The following ENO1 variants were observed in gnomAD, a reference collection of about 807,000 sequenced individuals.
ENO1 encodes the protein alpha-enolase.
A neutral mutation model predicts 46.3 loss-of-function variants in ENO1; 33 were observed. The ratio of observed to expected loss-of-function variants is 0.71; its 90% CI spans 0.54 to 0.95. The LOEUF (loss-of-function observed/expected upper bound fraction) is 0.95. Among genes scored for constraint, ENO1 ranks in the 40% least tolerant of loss-of-function variants. The pLI, the probability that ENO1 is intolerant of heterozygous loss-of-function variation, is 0.00. For synonymous variants in ENO1, 220 were observed against 216.0 expected, an observed-to-expected ratio of 1.02 and a Z score of -0.16; for missense variants, 488 against 553.3, an observed-to-expected ratio of 0.88 and a Z score of 1.18.
intron 4 of ENO1, among the ~76,000 whole-genome samples, chr1:8,868,955 T>G (rs1173418054): frequency 6.6e-6 from 1 of 152,172 alleles, no homozygotes; most frequent in Non-Finnish European, 1.5e-5. Flanking sequence ...CCTAAAGTGT[T>G]GGAATTACAG....
intron 8 of ENO1, among the ~76,000 whole-genome samples, chr1:8,864,724 TG>T (rs1642474864): frequency 1.3e-5 from 2 of 152,170 alleles, no homozygotes; most frequent in African/African-American, 4.8e-5. Flanking sequence ...GACCTGAGTT[TG>T]GGTCTTGGCT....
chr1:8,868,657 C>A (rs113997384), intron 4 of ENO1, among the ~76,000 whole-genome samples: 1 of 152,256 alleles, frequency 6.6e-6, no homozygotes, highest in African/African-American at 2.4e-5. Context: ...TCAAAGTAAT[C>A]CAATAAAAAT....
chr1:8,867,366 T>C, intron 5 of ENO1, 116 bp from the exon 6 acceptor site: 3 of 1,385,910 alleles, frequency 2.2e-6, no homozygotes, highest in Non-Finnish European at 3.0e-6. Context: ...CACACCTCCA[T>C]TTCACTGTTA....
At chr1:8,863,434 C>T (rs1642446351) in intron 9 of ENO1, 91 bp from the exon 10 acceptor site, 2 of 1,293,418 alleles carry the variant, frequency 1.5e-6, no homozygotes, top group Non-Finnish European at 2.1e-6. Flanking sequence ...AGCAGGAAAG[C>T]AGTGGAGGGG....
rs1186742715 is a variant in ENO1 at position 8,878,664 on chromosome 1, T to C, written c.-94A>G. ...GAACGTAAAGCCGGCGAGATCTCCG[T>C]GCTCCGGGTACCCACAGATACTGTC... On this transcript the variant is annotated 5_prime_UTR_variant, in exon 1 of 12. Coordinates refer to ENST00000234590, the MANE Select transcript of ENO1 (RefSeq NM_001428.5). 21 of 456,062 alleles carry C rather than the reference T, an allele frequency of 4.6e-5. No homozygotes were observed. Among genetic ancestry groups the C allele is most frequent in the Admixed American group, 1.4e-4 (6 of 42,570 alleles). The allele number at this position is 456,062 out of a possible 1,614,324, so 28.3% of individuals were successfully genotyped here. A position where few individuals can be genotyped will look rare whatever the true frequency, so the allele number is the denominator to read the frequency against.
intron 1 of ENO1, among the ~76,000 whole-genome samples, chr1:8,875,318 AAAG>A (rs1335794388): frequency 6.6e-6 from 1 of 152,124 alleles, no homozygotes; most frequent in African/African-American, 2.4e-5. Flanking sequence ...AAAAAAAAAA[AAAG>A]AGAGAGAAAA....
At chr1:8,866,093 A>AAT in intron 7 of ENO1, 186 bp downstream of exon 7, 1 of 543,188 alleles carries the variant, frequency 1.8e-6, no homozygotes, top group East Asian at 3.1e-5. Context: ...AAAAAAAAAA[A>AAT]GAAAAAAATA....
In ENO1 at chr1:8,863,223, G is replaced by T; in HGVS notation, c.1176+12C>A. 1 of 1,613,000 alleles carries T rather than the reference G, an allele frequency of 6.2e-7. No individual in the cohort carries two copies. Among genetic ancestry groups the T allele is most frequent in the Non-Finnish European group, 8.5e-7 (1 of 1,179,176 alleles). On this transcript the variant is annotated intron_variant, in intron 10 of 11. Coordinates refer to ENST00000234590, the MANE Select transcript of ENO1 (RefSeq NM_001428.5). ...GAGGTCAGAGAAGAAAGGAGGAGAC[G>T]CTCATTCTTACCTGCCCAGTGCACA...
At position 8,868,000 on chromosome 1, in the gene ENO1, TTCCA is replaced by T. The variant is rs1470011743; in HGVS notation, c.294_297del (p.Asp98GlufsTer71). ...TCAGGCCACTCACATTTATTTTCTG[TTCCA>T]TCCATCTCGATCATCAGTTTGTCAA... On this transcript the variant is annotated frameshift_variant, in exon 5 of 12. Transcript: ENST00000234590. LOFTEE classifies it high-confidence loss of function. The T allele has an allele frequency of 6.2e-7, 1 of 1,614,100 alleles. No individual in the cohort carries two copies. The highest frequency in any genetic ancestry group is 8.5e-7 in the Non-Finnish European group (1 of 1,179,982).
Position 8,861,342 on chromosome 1 carries a change from G to A in ENO1, c.*18C>T, listed in dbSNP as rs966421835. ...CTGTGTAGCCAACAGGTGACCGAAG[G>A]GCTTGCCTGCCCACAGCTTACTTGG... On this transcript the variant is annotated 3_prime_UTR_variant, in exon 12 of 12. Transcript: ENST00000234590. 1 of 1,613,274 alleles carries A rather than the reference G, an allele frequency of 6.2e-7. No homozygotes were observed. The highest frequency in any genetic ancestry group is 8.5e-7 in the Non-Finnish European group (1 of 1,179,956).
chr1:8,871,678 C>G, intron 3 of ENO1: 1 of 1,360,360 alleles, frequency 7.4e-7, no homozygotes, highest in African/African-American at 1.5e-5. Context: ...GAACTCTCGA[C>G]CCAGAGCATG....
intron 3 of ENO1, chr1:8,871,127 CGT>C: frequency 8.5e-7 from 1 of 1,172,718 alleles, no homozygotes; most frequent in Non-Finnish European, 1.1e-6. Flanking sequence ...GTAACATGTT[CGT>C]GTGTGTAGAG....
In ENO1 at chr1:8,870,982, AGAG is replaced by A. The variant is rs1209521594; in HGVS notation, c.182-475_182-473del. 11 of 1,244,642 alleles carry A rather than the reference AGAG, an allele frequency of 8.8e-6. No homozygotes were observed. In the East Asian group the frequency reaches 2.4e-4, roughly 28 times the overall value. 77.1% of individuals were successfully genotyped at this position (1,244,642 alleles called of 1,614,324 possible). On this transcript the variant is annotated intron_variant, in intron 3 of 11. Coordinates refer to ENST00000234590, the MANE Select transcript of ENO1 (RefSeq NM_001428.5). ...AGAGACAGTGAGGGGGCAGGAAAGC[AGAG>A]GAGAGCATTTCAGGGGCCATGCGTT...
At chr1:8,863,126 C>G in intron 10 of ENO1, 109 bp downstream of exon 10, 1 of 1,404,262 alleles carries the variant, frequency 7.1e-7, no homozygotes. Flanking sequence ...AACAAGAGCA[C>G]TGACTCAGGG....
At chr1:8,866,602 G>T (rs1207683095) in intron 6 of ENO1, 101 bp from the exon 7 acceptor site, 2 of 1,276,766 alleles carry the variant, frequency 1.6e-6, no homozygotes, top group East Asian at 4.7e-5. Flanking sequence ...TCACAGATGA[G>T]CCCAAGACTT....
At chr1:8,866,613 G>T in intron 6 of ENO1, 112 bp from the exon 7 acceptor site, 1 of 1,146,908 alleles carries the variant, frequency 8.7e-7, no homozygotes, top group Non-Finnish European at 1.3e-6. Flanking sequence ...CCCAAGACTT[G>T]CTTCTTGAGG....
chr1:8,865,199 C>T, intron 8 of ENO1, 86 bp downstream of exon 8: 1 of 1,521,864 alleles, frequency 6.6e-7, no homozygotes, highest in Non-Finnish European at 9.0e-7. Flanking sequence ...CCCCTCCTTG[C>T]AGCCATCACC....
chr1:8,871,559 G>C (rs1328052647), intron 3 of ENO1: 1 of 1,078,170 alleles, frequency 9.3e-7, no homozygotes, highest in Non-Finnish European at 1.1e-6. Context: ...TGGGAGATGG[G>C]GAAACTTTTC....
At chr1:8,877,354 A>C (rs1372927681) in intron 1 of ENO1, among the ~76,000 whole-genome samples, 1 of 151,302 alleles carries the variant, frequency 6.6e-6, no homozygotes, top group Non-Finnish European at 1.5e-5. Flanking sequence ...TCGGCATCCC[A>C]AAGTGCTCGG....
Sources: allele counts gnomAD v4.1 joint callset (sites outside exome capture counted in the v4.1 genomes callset), GRCh38; gene constraint gnomAD v4.1.1; transcripts MANE v1.5; gene names NCBI Gene and HGNC (gene_info 2026-07-23, HGNC 2026-07-21).